TTC38: variants seen among roughly 807,000 people sequenced by gnomAD.
TTC38 encodes tetratricopeptide repeat protein 38.
TTC38 carries 64 observed loss-of-function variants against 64.2 expected under a neutral mutation model. The observed-to-expected ratio is 1.00, with a 90% CI of 0.81 to 1.23. TTC38 has a LOEUF of 1.23. TTC38 is among the 50% of genes most tolerant of loss of function. The pLI is 0.00. For synonymous variants in TTC38, 254 were observed against 249.3 expected, an observed-to-expected ratio of 1.02 and a Z score of -0.18; for missense variants, 573 against 615.5, an observed-to-expected ratio of 0.93 and a Z score of 0.73.
rs1491523227 is a variant in TTC38 at position 46,276,809 on chromosome 22, A to ATATATATT, written c.539+1388_539+1389insTATATATT. Among the ~76,000 whole-genome samples, 43 of 139,060 alleles carry ATATATATT rather than the reference A, an allele frequency of 3.1e-4. No individual in the cohort carries two copies. The highest frequency in any genetic ancestry group is 1.1e-3 in the African/African-American group (38 of 34,596). The allele number at this position is 139,060 out of a possible 152,430, so 91.2% of individuals were successfully genotyped here. On this transcript the variant is annotated intron_variant, in intron 5 of 13. Transcript: ENST00000381031. The surrounding 1 kb of genome is among the most constrained non-coding windows in gnomAD (Gnocchi z 4.7). ...AAATATATATTAAAAATTATATATT[A>ATATATATT]AAATATATATATTAAATATATATAT... is the stretch of plus-strand genomic sequence containing the variant.
At chr22:46,269,297 T>C in intron 2 of TTC38, 1 of 254,382 alleles carries the variant, frequency 3.9e-6, no homozygotes, top group Non-Finnish European at 8.7e-6. Flanking sequence ...TCTGTGAGTA[T>C]ACTGCCTTCA....
At chr22:46,290,858 C>G (rs531934236) in intron 13 of TTC38, among the ~76,000 whole-genome samples, 1 of 152,264 alleles carries the variant, frequency 6.6e-6, no homozygotes, top group East Asian at 1.9e-4. Context: ...TGTGCCTGAG[C>G]GGCGAGTTTG....
chr22:46,283,906 C>T, intron 7 of TTC38, 67 bp from the exon 8 acceptor site: 1 of 488,160 alleles, frequency 2.0e-6, no homozygotes, highest in Non-Finnish European at 3.4e-6. Context: ...TAGCACAAAA[C>T]AACATTTGTT....
chr22:46,280,815 T>C (rs570977315), intron 6 of TTC38, among the ~76,000 whole-genome samples: 2 of 152,312 alleles, frequency 1.3e-5, no homozygotes, highest in East Asian at 3.9e-4. Flanking sequence ...TGGCGGGAAC[T>C]CATGATTTGG....
rs937935418 is a variant in TTC38, at chr22:46,270,603, C to A, written c.112-1732C>A. On this transcript the variant is annotated intron_variant, in intron 2 of 13. Coordinates refer to ENST00000381031, the MANE Select transcript of TTC38 (RefSeq NM_017931.4). The surrounding 1 kb of genome is among the most constrained non-coding windows in gnomAD (Gnocchi z 4.7). The stretch of plus-strand genomic sequence containing the variant: ...ATCCCAGCACTTTGGGAGGCTGAGG[C>A]AGGTGGATCATCTGAGGTCAGGAGT... 2.0e-5 allele frequency among the ~76,000 whole-genome samples: 3 copies of A among 152,168 alleles called. No individual in the cohort carries two copies. The highest frequency in any genetic ancestry group is 2.9e-5 in the Non-Finnish European group (2 of 68,026).
intron 6 of TTC38, among the ~76,000 whole-genome samples, chr22:46,280,702 C>T (rs761232607): frequency 1.6e-4 from 24 of 152,258 alleles, no homozygotes; most frequent in Admixed American, 1.4e-3. Context: ...TTGCTGGGGC[C>T]GACCTCCTGC....
chr22:46,278,736 C>CACACGAATGGTGCCCCT, intron 6 of TTC38, 75 bp downstream of exon 6: 1 of 1,209,826 alleles, frequency 8.3e-7, no homozygotes, highest in Non-Finnish European at 1.2e-6. Context: ...ATGAGGGGCA[C>CACACGAATGGTGCCCCT]CATTCGTGTG....
intron 12 of TTC38, 123 bp from the exon 13 acceptor site, chr22:46,289,703 C>T (rs1601886342): frequency 2.0e-6 from 3 of 1,464,880 alleles, no homozygotes; most frequent in Middle Eastern, 1.7e-4. Flanking sequence ...CGTGTAAGTT[C>T]GTCGTTGAGG....
intron 11 of TTC38, 50 bp downstream of exon 11, chr22:46,288,638 G>T (rs778273240): frequency 1.3e-5 from 20 of 1,578,452 alleles, no homozygotes; most frequent in Non-Finnish European, 1.7e-5. Flanking sequence ...TGCCGAGAGG[G>T]TGAGGGGGTG....
chr22:46,273,003 GA>G lies in TTC38; in HGVS notation c.193+588del, dbSNP rs1471448206. Among the ~76,000 whole-genome samples the G allele has an allele frequency of 6.6e-6, 1 of 152,218 alleles. No individual in the cohort carries two copies. The highest frequency in any genetic ancestry group is 1.5e-5 in the Non-Finnish European group (1 of 68,040). On this transcript the variant is annotated intron_variant, in intron 3 of 13. Coordinates refer to ENST00000381031, the MANE Select transcript of TTC38 (RefSeq NM_017931.4). This position sits in a 1 kb window ranked among gnomAD's most constrained non-coding sequence, Gnocchi z 5.1. ...GGCCTGGGAGAAGGTCTGATGAGGG[GA>G]CAGGGCTCTTGTCAGTGCGGCAGGG...
In TTC38 at chr22:46,292,413, A is replaced by C. The variant is rs1241381565; in HGVS notation, c.1317-378A>C. On this transcript the variant is annotated intron_variant, in intron 13 of 13. Transcript: ENST00000381031. The surrounding 1 kb of genome is among the most constrained non-coding windows in gnomAD (Gnocchi z 6.5). ...CCCTCATGACTTAATCACCTCCAAG[A>C]GGCCCTGTTCTTAATACCATCACCT... 3.3e-6 allele frequency: 1 copy of C among 304,136 alleles called. No individual in the cohort carries two copies. Among genetic ancestry groups the C allele is most frequent in the Non-Finnish European group, 6.5e-6 (1 of 152,930 alleles). The allele number at this position is 304,136 out of a possible 1,614,324, so 18.8% of individuals were successfully genotyped here.
chr22:46,280,329 C>A (rs1450711518), intron 6 of TTC38: 1 of 399,520 alleles, frequency 2.5e-6, no homozygotes, highest in Non-Finnish European at 5.1e-6. Context: ...CTCCAGGAGC[C>A]AGGGCTGTAG....
chr22:46,289,838 A>C lies in TTC38; in HGVS notation c.1255A>C (p.Asn419His), dbSNP rs748380815. ...GGSNAQRDVFNQLLIHAALNC... is the reference protein window; with the variant it reads ...GGSNAQRDVFHQLLIHAALNC... The stretch of plus-strand genomic sequence containing the variant: ...ATTGACATTTCAGAGAGACGTCTTC[A>C]ACCAGCTGCTGATTCACGCGGCCTT... Residue 419 changes from asparagine to histidine, a missense_variant, in exon 13 of 14, where the codon AAC (asparagine) becomes CAC (histidine). Transcript: ENST00000381031. The C allele has an allele frequency of 6.2e-7, 1 of 1,614,056 alleles. No homozygotes were observed. The highest frequency in any genetic ancestry group is 1.3e-5 in the African/African-American group (1 of 74,926).
intron 9 of TTC38, among the ~76,000 whole-genome samples, chr22:46,286,136 A>G (rs1411059658): frequency 6.6e-6 from 1 of 151,924 alleles, no homozygotes. Flanking sequence ...TATACCCATT[A>G]AACACTAACT....
chr22:46,283,759 G>A (rs2077551247), intron 7 of TTC38, among the ~76,000 whole-genome samples: 2 of 149,546 alleles, frequency 1.3e-5, no homozygotes, highest in Non-Finnish European at 3.0e-5. Context: ...GACTGAGGCA[G>A]GAGAATTGCT....
chr22:46,268,011 G>T lies in TTC38; in HGVS notation c.-29G>T. The T allele has an allele frequency of 6.5e-7, 1 of 1,527,800 alleles. No homozygotes were observed. Among genetic ancestry groups the T allele is most frequent in the Non-Finnish European group, 8.7e-7 (1 of 1,143,776 alleles). The allele number at this position is 1,527,800 out of a possible 1,614,324, so 94.6% of individuals were successfully genotyped here. ...TCCCAGGAAGGCCCGGGTGCCCAGA[G>T]CTCGCGGTGGACTCCGACCCGGCGC... On this transcript the variant is annotated 5_prime_UTR_variant, in exon 1 of 14. Coordinates refer to ENST00000381031, the MANE Select transcript of TTC38 (RefSeq NM_017931.4).
chr22:46,268,682 G>A (rs928303766), intron 2 of TTC38, 91 bp downstream of exon 2: 1 of 1,239,742 alleles, frequency 8.1e-7, no homozygotes, highest in East Asian at 2.5e-5. Flanking sequence ...GTTTTGTTTT[G>A]TTTTGTTTTG....
Position 46,276,824 on chromosome 22 carries a change from A to AATATATATAT in TTC38, c.539+1411_539+1420dup, listed in dbSNP as rs57859102. ...ATTATATATTAAAATATATATATTA[A>AATATATATAT]ATATATATATATATATAAACATATA... On this transcript the variant is annotated intron_variant, in intron 5 of 13. Transcript: ENST00000381031. This position sits in a 1 kb window ranked among gnomAD's most constrained non-coding sequence, Gnocchi z 4.7. Among the ~76,000 whole-genome samples, 317 of 139,536 alleles carry AATATATATAT rather than the reference A, an allele frequency of 2.3e-3. 1 individual carries two copies. Among genetic ancestry groups the AATATATATAT allele is most frequent in the African/African-American group, 8.4e-3 (303 of 36,170 alleles). The allele number at this position is 139,536 out of a possible 152,430, so 91.5% of individuals were successfully genotyped here. A position where few individuals can be genotyped will look rare whatever the true frequency, so the allele number is the denominator to read the frequency against.
In TTC38 at chr22:46,279,527, T is replaced by C. The variant is rs2077518021; in HGVS notation, c.615+866T>C. 3.9e-5 allele frequency among the ~76,000 whole-genome samples: 6 copies of C among 152,362 alleles called. No individual in the cohort carries two copies. The South Asian group carries it at 1.2e-3, about 32-fold the overall frequency. On this transcript the variant is annotated intron_variant, in intron 6 of 13. Transcript: ENST00000381031. The stretch of plus-strand genomic sequence containing the variant: ...AGGCTACCTGGCAATGGCTGTCCTT[T>C]CAGCTGCCTGCTCCAGGCCCTGCCT...
Sources: gnomAD v4.1 joint callset for allele counts (sites outside exome capture counted in the v4.1 genomes callset) on GRCh38, gnomAD v4.1.1 for gene constraint, Gnocchi (gnomAD v3.1) non-coding constraint, MANE v1.5 for transcripts, NCBI Gene and HGNC (gene_info 2026-07-23, HGNC 2026-07-21) for gene names.